Variants in ASIC2 observed in about 807,000 individuals in gnomAD.
ASIC2 encodes the protein acid-sensing ion channel 2.
ASIC2 carries 25 observed loss-of-function variants against 57.3 expected under a neutral mutation model. That is an observed-to-expected ratio of 0.44 (90% CI 0.32 to 0.61). The LOEUF (loss-of-function observed/expected upper bound fraction) is 0.61, where lower values mean the gene tolerates loss of function less well. ASIC2 is among the 20% of genes least tolerant of loss of function. ASIC2 has a pLI of 0.06. For synonymous variants in ASIC2, 319 were observed against 307.5 expected (o/e 1.04, Z -0.39); for missense variants, 641 against 738.1 (o/e 0.87, Z 1.52).
intron 1 of ASIC2, among the ~76,000 whole-genome samples, chr17:33,396,831 T>G (rs1910094383): frequency 6.6e-6 from 1 of 152,190 alleles, no homozygotes; most frequent in Non-Finnish European, 1.5e-5. Context: ...CTTCTCTGCC[T>G]CCTCAAGTAC....
chr17:33,149,033 G>A (rs1904677377), intron 1 of ASIC2, among the ~76,000 whole-genome samples: 1 of 152,170 alleles, frequency 6.6e-6, no homozygotes. Context: ...GGTGGAGGTT[G>A]CAGTGAGCTG....
intron 1 of ASIC2, among the ~76,000 whole-genome samples, chr17:33,879,130 C>T (rs893231505): frequency 6.6e-6 from 1 of 152,274 alleles, no homozygotes; most frequent in African/African-American, 2.4e-5. Context: ...AAAGGAACAA[C>T]CGGTACCAGC....
intron 1 of ASIC2, among the ~76,000 whole-genome samples, chr17:33,264,816 G>A (rs1909405957): frequency 6.6e-6 from 1 of 152,244 alleles, no homozygotes; most frequent in Admixed American, 6.5e-5. Context: ...TTTAGGGTGT[G>A]AGTCTAGGGT....
intron 1 of ASIC2, among the ~76,000 whole-genome samples, chr17:33,439,315 G>T (rs1911743396): frequency 6.6e-6 from 1 of 152,146 alleles, no homozygotes; most frequent in South Asian, 2.1e-4. Context: ...ACTTAAACTG[G>T]TCTTAAAAAG....
chr17:33,095,490 G>A (rs772506350), intron 2 of ASIC2, among the ~76,000 whole-genome samples: 1 of 152,224 alleles, frequency 6.6e-6, no homozygotes, highest in Non-Finnish European at 1.5e-5. Flanking sequence ...TTGGTGAAGT[G>A]AACAAATGTG....
chr17:33,583,520 A>C (rs1220633695), intron 1 of ASIC2, among the ~76,000 whole-genome samples: 1 of 152,160 alleles, frequency 6.6e-6, no homozygotes, highest in Admixed American at 6.5e-5. Context: ...TTCCTTCCAG[A>C]ACAGAGGAAG....
At chr17:33,375,558 A>G (rs1269662725) in intron 1 of ASIC2, among the ~76,000 whole-genome samples, 2 of 152,182 alleles carry the variant, frequency 1.3e-5, no homozygotes, top group Non-Finnish European at 2.9e-5. Flanking sequence ...TTTTAAAAGG[A>G]TAGTTCTGGC....
At chr17:33,275,429 G>C (rs1904665645) in intron 1 of ASIC2, among the ~76,000 whole-genome samples, 1 of 152,184 alleles carries the variant, frequency 6.6e-6, no homozygotes, top group Admixed American at 6.5e-5. Context: ...AGACTTCAGT[G>C]GAAAGTAATA....
chr17:33,746,281 T>G (rs1478460863), intron 1 of ASIC2, among the ~76,000 whole-genome samples: 2 of 150,764 alleles, frequency 1.3e-5, no homozygotes, highest in Non-Finnish European at 3.0e-5. Flanking sequence ...TACGTGTACA[T>G]GTATATACAT....
intron 1 of ASIC2, among the ~76,000 whole-genome samples, chr17:33,579,240 C>A: frequency 6.8e-6 from 1 of 147,728 alleles, no homozygotes; most frequent in Non-Finnish European, 1.5e-5. Context: ...GAGCCAAAAT[C>A]ACACCATTGC....
intron 1 of ASIC2, among the ~76,000 whole-genome samples, chr17:33,883,289 A>G (rs1914748553): frequency 6.6e-6 from 1 of 152,326 alleles, no homozygotes; most frequent in South Asian, 2.1e-4. Context: ...GAATGAATGA[A>G]TACAAAACAG....
chr17:34,050,905 G>A (rs1238410485), intron 1 of ASIC2, among the ~76,000 whole-genome samples: 1 of 152,226 alleles, frequency 6.6e-6, no homozygotes, highest in East Asian at 1.9e-4. Flanking sequence ...TTCCAGGAAA[G>A]GACAGCCTGC....
intron 1 of ASIC2, among the ~76,000 whole-genome samples, chr17:33,265,396 C>T (rs542156949): frequency 2.0e-4 from 30 of 152,290 alleles, no homozygotes; most frequent in Non-Finnish European, 3.8e-4. Flanking sequence ...CCTCAGCAAA[C>T]TAACATAGGA....
chr17:33,886,892 C>T (rs1914841193), intron 1 of ASIC2, among the ~76,000 whole-genome samples: 1 of 152,040 alleles, frequency 6.6e-6, no homozygotes, highest in Non-Finnish European at 1.5e-5. Context: ...GATTTGAAGG[C>T]ATATTCCAAA....
At chr17:34,051,328 C>A (rs1330724000) in intron 1 of ASIC2, among the ~76,000 whole-genome samples, 8 of 152,150 alleles carry the variant, frequency 5.3e-5, no homozygotes, top group African/African-American at 1.9e-4. Context: ...GGAAAATGCA[C>A]AGGATCTGTT....
intron 1 of ASIC2, among the ~76,000 whole-genome samples, chr17:33,754,410 G>T (rs1910525791): frequency 1.3e-5 from 2 of 152,012 alleles, no homozygotes. Context: ...ATACCCTAAG[G>T]CCTCCTAGCT....
intron 1 of ASIC2, among the ~76,000 whole-genome samples, chr17:33,803,299 A>T (rs1246168848): frequency 6.6e-6 from 1 of 152,054 alleles, no homozygotes; most frequent in Non-Finnish European, 1.5e-5. Context: ...TCTAACTTTA[A>T]ATGCATAAGG....
chr17:33,270,250 T>C (rs538907522), intron 1 of ASIC2, among the ~76,000 whole-genome samples: 1 of 152,290 alleles, frequency 6.6e-6, no homozygotes, highest in Non-Finnish European at 1.5e-5. Flanking sequence ...CATATAATCA[T>C]CTTTACATTT....
intron 1 of ASIC2, among the ~76,000 whole-genome samples, chr17:33,736,392 A>G (rs903772918): frequency 1.3e-5 from 2 of 152,088 alleles, no homozygotes; most frequent in Admixed American, 1.3e-4. Flanking sequence ...TTTGGAAGGG[A>G]AATACATTTT....
Sources: gnomAD v4.1 joint callset for allele counts (sites outside exome capture counted in the v4.1 genomes callset) on GRCh38, gnomAD v4.1.1 for gene constraint, MANE v1.5 for transcripts, NCBI Gene and HGNC (gene_info 2026-07-23, HGNC 2026-07-21) for gene names.